EML2: variants seen among roughly 807,000 people sequenced by gnomAD.
EML2 encodes the protein echinoderm microtubule-associated protein-like 2.
In EML2, 59 loss-of-function variants were observed where a neutral mutation model predicts 84.7. The observed-to-expected ratio is 0.70, with a 90% CI of 0.56 to 0.86. The LOEUF is 0.86. EML2 is among the 40% of genes least tolerant of loss of function. EML2 has a pLI of 0.00. For synonymous variants in EML2, 352 were observed against 348.9 expected (o/e 1.01, Z -0.10); for missense variants, 818 against 855.6 (o/e 0.96, Z 0.55).
At chr19:45,634,807 C>T (rs905266171) in intron 3 of EML2, among the ~76,000 whole-genome samples, 59 of 151,780 alleles carry the variant, frequency 3.9e-4, no homozygotes, top group African/African-American at 1.2e-3. Flanking sequence ...GTGATCCACC[C>T]GCCTCGCCCT....
upstream of EML2, chr19:45,642,470 A>T: frequency 6.9e-7 from 1 of 1,443,996 alleles, no homozygotes; most frequent in African/African-American, 1.4e-5. Context: ...CTGTCCCGCT[A>T]CCTGGGGCTG....
At position 45,638,572 on chromosome 19, in the gene EML2, G is replaced by T; in HGVS notation, c.112C>A (p.Leu38Met). The part of the protein sequence containing the change: ...RPVPMMIPDE[L>M]APTYSLDTRS... The stretch of plus-strand genomic sequence containing the variant: ...GTGTCCAGGCTGTAGGTGGGTGCCA[G>T]CTCGTCTGGGATCATCATGGGCACA... The change falls in exon 3 of 19, where the codon CTG (leucine) becomes ATG (methionine). Residue 38 changes from leucine (L) to methionine (M), a missense_variant. Transcript: ENST00000245925. 2 of 1,614,124 alleles carry T rather than the reference G, an allele frequency of 1.2e-6. No individual in the cohort carries two copies. The highest frequency in any genetic ancestry group is 1.7e-6 in the Non-Finnish European group (2 of 1,180,038).
In EML2 at chr19:45,638,806, G is replaced by A. The variant is rs184199129; in HGVS notation, c.49+39C>T. 46 of 1,610,260 alleles carry A rather than the reference G, an allele frequency of 2.9e-5. No homozygotes were observed. The Admixed American group carries it at 6.3e-4, about 22-fold the overall frequency. ...TGGCTCCAGCCTGTCACCCCAACAA[G>A]CAAGCTTCCACCGAGCCCTTCCCCA... On this transcript the variant is annotated intron_variant, in intron 2 of 18. Coordinates refer to ENST00000245925, the MANE Select transcript of EML2 (RefSeq NM_012155.4).
intron 7 of EML2, among the ~76,000 whole-genome samples, chr19:45,627,045 C>T (rs559865183): frequency 1.3e-5 from 2 of 151,660 alleles, no homozygotes; most frequent in Middle Eastern, 3.4e-3. Context: ...CTGCAACCTC[C>T]GCCTCCTGGG....
intron 10 of EML2, 44 bp downstream of exon 10, chr19:45,621,439 G>A: frequency 1.3e-6 from 2 of 1,591,890 alleles, no homozygotes; most frequent in Non-Finnish European, 1.7e-6. Context: ...GTGAGATCGG[G>A]GGGGGCCTCT....
chr19:45,616,552 G>A lies in EML2; in HGVS notation c.1418C>T (p.Ala473Val). The A allele has an allele frequency of 6.2e-7, 1 of 1,610,052 alleles. No homozygotes were observed. The highest frequency in any genetic ancestry group is 1.1e-5 in the South Asian group (1 of 90,914). The change falls in exon 15 of 19, where the codon GCG (alanine) becomes GTG (valine). Residue 473 changes from alanine (A) to valine (V), a missense_variant. Coordinates refer to ENST00000245925, the MANE Select transcript of EML2 (RefSeq NM_012155.4). The part of the protein sequence containing the change: ...ISVVSFSPDG[A>V]YLAVGSHDNL... ...GTCGTGGGAGCCCACGGCCAGGTAC[G>A]CCCCGTCTGGGGGAGGGGGAGGGGG...
At chr19:45,629,315 T>C (rs939128403) in intron 7 of EML2, among the ~76,000 whole-genome samples, 2 of 150,578 alleles carry the variant, frequency 1.3e-5, no homozygotes, top group East Asian at 3.9e-4. Flanking sequence ...AAGTGCCAGA[T>C]TTTCTGTTTG....
intron 1 of EML2, 129 bp from the exon 2 acceptor site, chr19:45,639,002 C>T: frequency 1.8e-6 from 2 of 1,082,592 alleles, no homozygotes; most frequent in Non-Finnish European, 1.4e-6. Flanking sequence ...AGGGGCAGAG[C>T]GCTGCCTCTC....
chr19:45,609,678 C>G lies in EML2; in HGVS notation c.1935G>C (p.Gln645His). The change falls in exon 19 of 19, where the codon CAG (glutamine) becomes CAC (histidine). Residue 645 changes from glutamine (Q) to histidine (H), a missense_variant. Gln to His is a conservative substitution (Grantham distance 24). Transcript: ENST00000245925. ...TTGGKDTSVLQWRVV is the reference protein window; with the variant it reads ...TTGGKDTSVLHWRVV ...CCTGGCCGCATCAGACCACCCGCCA[C>G]TGTAGCACACTGGTGTCCTTGCCCC... The G allele has an allele frequency of 6.2e-7, 1 of 1,608,932 alleles. No individual in the cohort carries two copies. The highest frequency in any genetic ancestry group is 1.1e-5 in the South Asian group (1 of 90,514).
chr19:45,623,059 A>C (rs185213930), intron 9 of EML2, among the ~76,000 whole-genome samples: 6 of 147,650 alleles, frequency 4.1e-5, no homozygotes, highest in Admixed American at 3.4e-4. Flanking sequence ...AAAAAAAAAA[A>C]AGAGAGAGAG....
At chr19:45,613,802 A>G (rs763869294) in intron 17 of EML2, 131 bp from the exon 18 acceptor site, 232 of 1,143,488 alleles carry the variant, frequency 2.0e-4, no homozygotes, top group Non-Finnish European at 2.8e-4. Context: ...TATGAGTCAG[A>G]ATTACCTTAA....
At chr19:45,625,488 C>A (rs973025082) in intron 8 of EML2, among the ~76,000 whole-genome samples, 2 of 152,152 alleles carry the variant, frequency 1.3e-5, no homozygotes, top group Non-Finnish European at 2.9e-5. Flanking sequence ...GTGATCCACC[C>A]GCCTCGGCCT....
At chr19:45,627,256 C>CTTTT (rs72487266) in intron 7 of EML2, among the ~76,000 whole-genome samples, 13 of 135,614 alleles carry the variant, frequency 9.6e-5, no homozygotes, top group African/African-American at 3.0e-4. Flanking sequence ...TGCGCCCGGC[C>CTTTT]TTTTTTTTTT....
chr19:45,644,889 C>T (rs938756898), upstream of EML2: 17 of 432,394 alleles, frequency 3.9e-5, no homozygotes, highest in African/African-American at 4.0e-5. Context: ...CAAATCCACC[C>T]CCACCCCCTC....
chr19:45,624,349 T>C (rs903597578), intron 9 of EML2, among the ~76,000 whole-genome samples: 2 of 152,186 alleles, frequency 1.3e-5, no homozygotes, highest in Non-Finnish European at 2.9e-5. Context: ...CCTTCATTCA[T>C]TCCTTCATTC....
At position 45,621,529 on chromosome 19, in the gene EML2, C is replaced by A. The variant is rs758524341; in HGVS notation, c.950G>T (p.Arg317Leu). ...GTAGTCAGAACCCCAGAGGACCACC[C>A]GCCGATCACGGCCCCCTCCAGACAC... ...TLVSGGGRDR[R>L]VVLWGSDYSK... The change falls in exon 10 of 19, where the codon CGG becomes CTG. Residue 317 changes from arginine (R) to leucine (L), a missense_variant. Arg to Leu is a moderately radical substitution (Grantham distance 102). Coordinates refer to ENST00000245925, the MANE Select transcript of EML2 (RefSeq NM_012155.4). 1 of 1,612,800 alleles carries A rather than the reference C, an allele frequency of 6.2e-7. No individual in the cohort carries two copies. Among genetic ancestry groups the A allele is most frequent in the Admixed American group, 1.7e-5 (1 of 60,004 alleles).
rs1333421187 is a variant in EML2, at chr19:45,638,610, A to G, written c.74T>C (p.Leu25Pro). Residue 25 changes from leucine (L) to proline (P), a missense_variant, in exon 3 of 19, where the codon CTG (leucine) becomes CCG (proline). Transcript: ENST00000245925. ...SVEDGSVKMFLRGRPVPMMIP... is the reference protein window; with the variant it reads ...SVEDGSVKMFPRGRPVPMMIP... Reference sequence around the variant, plus strand: ...CATCATGGGCACAGGGCGGCCCCTCAGGAACATTTTCACGGAGCCATCCTC... The same window carrying G: ...CATCATGGGCACAGGGCGGCCCCTCGGGAACATTTTCACGGAGCCATCCTC... The G allele has an allele frequency of 1.9e-6, 3 of 1,613,886 alleles. No homozygotes were observed. Among genetic ancestry groups the G allele is most frequent in the Non-Finnish European group, 2.5e-6 (3 of 1,179,992 alleles).
chr19:45,630,515 G>A (rs868654394), intron 6 of EML2, among the ~76,000 whole-genome samples: 44 of 141,388 alleles, frequency 3.1e-4, no homozygotes, highest in African/African-American at 1.2e-3. Flanking sequence ...TTGCGCCATT[G>A]CACTCCAGCC....
At chr19:45,645,440 A>G, upstream of EML2, 1 of 1,441,188 alleles carries the variant, frequency 6.9e-7, no homozygotes, top group Non-Finnish European at 9.0e-7. Flanking sequence ...CCTTCGTTCC[A>G]GCATCCCCAG....
Sources: gnomAD v4.1 joint callset for allele counts (sites outside exome capture counted in the v4.1 genomes callset) on GRCh38, gnomAD v4.1.1 for gene constraint, MANE v1.5 for transcripts, NCBI Gene and HGNC (gene_info 2026-07-23, HGNC 2026-07-21) for gene names.